KCTD16: variants seen among roughly 807,000 people sequenced by gnomAD.
KCTD16 encodes the protein potassium channel tetramerization domain containing 16, also known as BTB/POZ domain-containing protein KCTD16.
Under a neutral mutation model 33.2 loss-of-function variants are expected in KCTD16, and 13 were observed. That is an observed-to-expected ratio of 0.39 (90% CI 0.25 to 0.62). KCTD16 has a LOEUF of 0.62. KCTD16 is among the 20% of genes least tolerant of loss of function. KCTD16 has a pLI of 0.50. For synonymous variants in KCTD16, 197 were observed against 195.3 expected (o/e 1.01, Z -0.07); for missense variants, 441 against 525.1 (o/e 0.84, Z 1.57).
At chr5:144,232,694 A>G (rs1754139325) in intron 3 of KCTD16, among the ~76,000 whole-genome samples, 1 of 152,224 alleles carries the variant, frequency 6.6e-6, no homozygotes, top group Non-Finnish European at 1.5e-5. Flanking sequence ...ATAGAAACAT[A>G]AAATGAACCA....
intron 3 of KCTD16, among the ~76,000 whole-genome samples, chr5:144,399,193 A>G (rs1038042483): frequency 1.3e-5 from 2 of 152,180 alleles, no homozygotes; most frequent in Non-Finnish European, 2.9e-5. Context: ...GCACAGATGT[A>G]TTATCTTATA....
chr5:144,434,314 G>C (rs1367113576), intron 3 of KCTD16, among the ~76,000 whole-genome samples: 2 of 152,040 alleles, frequency 1.3e-5, no homozygotes, highest in African/African-American at 4.8e-5. Flanking sequence ...CTAGATATTA[G>C]AGGTAGTCAC....
chr5:144,268,610 A>G (rs1333001961), intron 3 of KCTD16, among the ~76,000 whole-genome samples: 1 of 152,216 alleles, frequency 6.6e-6, no homozygotes, highest in Non-Finnish European at 1.5e-5. Flanking sequence ...TTTAAAAAGT[A>G]GACCCTGGTT....
chr5:144,441,609 C>T (rs1753709199), intron 3 of KCTD16, among the ~76,000 whole-genome samples: 1 of 151,998 alleles, frequency 6.6e-6, no homozygotes, highest in Admixed American at 6.6e-5. Context: ...TCTTAGTAAT[C>T]GTACTGAGAA....
At chr5:144,369,786 T>C (rs924765077) in intron 3 of KCTD16, among the ~76,000 whole-genome samples, 4 of 152,096 alleles carry the variant, frequency 2.6e-5, no homozygotes, top group African/African-American at 7.2e-5. Flanking sequence ...GTAAAATGAG[T>C]ACCATTGAAG....
At chr5:144,180,890 G>A (rs952794519) in intron 2 of KCTD16, among the ~76,000 whole-genome samples, 1 of 151,934 alleles carries the variant, frequency 6.6e-6, no homozygotes, top group Non-Finnish European at 1.5e-5. Flanking sequence ...TCTAAAGCTG[G>A]TCCATATTCA....
rs1172489243 is a variant in KCTD16, at chr5:144,482,624, T to C, written c.*8510T>C. ...CCTCAGCATCTCATTGTTACTGTTA[T>C]AAGTTGGGAAAAAGAGAGGCAGCTT... is the stretch of plus-strand genomic sequence containing the variant. On this transcript the variant is annotated 3_prime_UTR_variant, in exon 4 of 4. Coordinates refer to ENST00000512467, the MANE Select transcript of KCTD16 (RefSeq NM_020768.4). 6.6e-6 allele frequency: 1 copy of C among 151,808 alleles called. No individual in the cohort carries two copies. The highest frequency in any genetic ancestry group is 1.5e-5 in the Non-Finnish European group (1 of 67,874). The allele number at this position is 151,808 out of a possible 1,614,324, so 9.4% of individuals were successfully genotyped here.
intron 3 of KCTD16, among the ~76,000 whole-genome samples, chr5:144,446,863 T>C (rs955545676): frequency 8.5e-5 from 13 of 152,210 alleles, no homozygotes; most frequent in African/African-American, 3.1e-4. Flanking sequence ...TGAGATACTA[T>C]CTCGTGCCAG....
intron 3 of KCTD16, among the ~76,000 whole-genome samples, chr5:144,415,063 T>A (rs1266785646): frequency 6.6e-6 from 1 of 152,164 alleles, no homozygotes; most frequent in East Asian, 1.9e-4. Context: ...TTCTTGAGCC[T>A]GGGAAGTCCA....
At position 144,473,755 on chromosome 5, in the gene KCTD16, C is replaced by G; in HGVS notation, c.928C>G (p.Leu310Val). 2 of 1,614,098 alleles carry G rather than the reference C, an allele frequency of 1.2e-6. No homozygotes were observed. Among genetic ancestry groups the G allele is most frequent in the Non-Finnish European group, 1.7e-6 (2 of 1,179,992 alleles). The change falls in exon 4 of 4, where the codon CTC (leucine) becomes GTC (valine). Residue 310 changes from leucine (L) to valine (V), a missense_variant. By Grantham distance (32) the Leu-to-Val change is conservative. Around this residue, in one of 3 missense-constraint regions of KCTD16, gnomAD observed 355 missense variants for 413.0 expected, o/e 0.86. Transcript: ENST00000512467. ...GGAGAGCGGCACGTCTTGCAATGAC[C>G]TCTCCACATCTAGCTGCGACAGCCA... Reference protein sequence around the residue: ...EGESGTSCNDLSTSSCDSQSE... With the variant: ...EGESGTSCNDVSTSSCDSQSE...
chr5:144,272,562 A>G (rs887450427), intron 3 of KCTD16, among the ~76,000 whole-genome samples: 1 of 152,240 alleles, frequency 6.6e-6, no homozygotes, highest in South Asian at 2.1e-4. Context: ...ACATGATTTC[A>G]AAATTTACTA....
chr5:144,185,021 G>T (rs1311064287), intron 2 of KCTD16, among the ~76,000 whole-genome samples: 1 of 152,092 alleles, frequency 6.6e-6, no homozygotes, highest in African/African-American at 2.4e-5. Flanking sequence ...TATGTGTCAG[G>T]CACTGTTCTA....
intron 2 of KCTD16, among the ~76,000 whole-genome samples, chr5:144,188,370 G>A (rs1752770837): frequency 6.6e-6 from 1 of 152,196 alleles, no homozygotes; most frequent in South Asian, 2.1e-4. Context: ...GAAAGTACAT[G>A]AGAAAATAGT....
intron 3 of KCTD16, among the ~76,000 whole-genome samples, chr5:144,430,125 C>T (rs945106421): frequency 2.0e-5 from 3 of 152,048 alleles, no homozygotes; most frequent in Admixed American, 6.6e-5. Context: ...TGTGTAAGCC[C>T]TTGTGTGGTC....
rs116209971 is a variant in KCTD16 at position 144,291,885 on chromosome 5, C to A, written c.832+84339C>A. On this transcript the variant is annotated intron_variant, in intron 3 of 3. Transcript: ENST00000512467. ...CATCAACATAAATGACAAATATTTGCGCATCATGTCAGTTATTTCAGATTC... is the reference window on the plus strand; with the variant it reads ...CATCAACATAAATGACAAATATTTGAGCATCATGTCAGTTATTTCAGATTC... 9.9e-5 allele frequency among the ~76,000 whole-genome samples: 15 copies of A among 152,220 alleles called. No individual in the cohort carries two copies. The East Asian group carries it at 2.7e-3, about 27-fold the overall frequency.
At chr5:144,308,687 C>T (rs1205080883) in intron 3 of KCTD16, among the ~76,000 whole-genome samples, 1 of 150,376 alleles carries the variant, frequency 6.6e-6, no homozygotes, top group African/African-American at 2.4e-5. Flanking sequence ...ATTGCTGAGG[C>T]CCACTAAACT....
In KCTD16 at chr5:144,478,657, A is replaced by T. The variant is rs747213442; in HGVS notation, c.*4543A>T. 1 of 152,086 alleles carries T rather than the reference A, an allele frequency of 6.6e-6. No individual in the cohort carries two copies. Among genetic ancestry groups the T allele is most frequent in the African/African-American group, 2.4e-5 (1 of 41,450 alleles). The allele number at this position is 152,086 out of a possible 1,614,324, so 9.4% of individuals were successfully genotyped here. On this transcript the variant is annotated 3_prime_UTR_variant, in exon 4 of 4. Transcript: ENST00000512467. ...TTAATAATTTTGATGAGGATTGTCT[A>T]TAGACCTTACTTTGAAAAATTCTGC...
At chr5:144,213,061 A>G (rs530040539) in intron 3 of KCTD16, among the ~76,000 whole-genome samples, 1 of 152,248 alleles carries the variant, frequency 6.6e-6, no homozygotes, top group East Asian at 1.9e-4. Flanking sequence ...ATTATATGGT[A>G]TTCTACCATA....
intron 3 of KCTD16, among the ~76,000 whole-genome samples, chr5:144,360,437 T>C (rs977103519): frequency 2.1e-4 from 28 of 136,322 alleles, no homozygotes; most frequent in South Asian, 1.1e-3. Context: ...AATTCATCCC[T>C]TTTTTTTTTT....
Sources: gnomAD v4.1 joint callset for allele counts (sites outside exome capture counted in the v4.1 genomes callset) on GRCh38, gnomAD v4.1.1 for gene constraint, gnomAD v4.1.1 regional missense constraint, MANE v1.5 for transcripts, NCBI Gene and HGNC (gene_info 2026-07-23, HGNC 2026-07-21) for gene names.